The following TRMT10B variants were observed in gnomAD, a reference collection of about 807,000 sequenced individuals.
TRMT10B encodes the protein tRNA methyltransferase 10 homolog B.
In TRMT10B, 33 loss-of-function variants were observed where a neutral mutation model predicts 43.8. The observed-to-expected ratio is 0.75, with a 90% CI of 0.57 to 1.01. The LOEUF is 1.01. TRMT10B is among the 50% of genes least tolerant of loss of function. The pLI is 0.00. For synonymous variants in TRMT10B, 137 were observed against 130.6 expected (o/e 1.05, Z -0.34); for missense variants, 362 against 369.8 (o/e 0.98, Z 0.17).
chr9:37,755,193 C>T lies in TRMT10B; in HGVS notation c.-30+1341C>T, dbSNP rs554088959. Reference sequence around the variant, plus strand: ...AAGCTGAGGCAGGAGAATGCGTGAACCTGGGAGGCAAAGCTTGCAGTGAGT... The same window carrying T: ...AAGCTGAGGCAGGAGAATGCGTGAATCTGGGAGGCAAAGCTTGCAGTGAGT... On this transcript the variant is annotated intron_variant, in intron 1 of 8. Transcript: ENST00000297994. 4.0e-4 allele frequency among the ~76,000 whole-genome samples: 61 copies of T among 151,512 alleles called. 1 individual carries two copies. Among genetic ancestry groups the T allele is most frequent in the South Asian group, 1.5e-3 (7 of 4,754 alleles).
intron 3 of TRMT10B, among the ~76,000 whole-genome samples, chr9:37,763,402 G>A (rs1406689340): frequency 1.3e-5 from 2 of 152,132 alleles, no homozygotes; most frequent in Non-Finnish European, 2.9e-5. Context: ...TTATGCCCAA[G>A]ATAATGTAGC....
At chr9:37,770,090 T>C in intron 6 of TRMT10B, 71 bp downstream of exon 6, 2 of 1,383,868 alleles carry the variant, frequency 1.4e-6, no homozygotes, top group African/African-American at 1.4e-5. Flanking sequence ...TGGCAGAATT[T>C]ATTAAAGCCC....
chr9:37,768,091 G>A lies in TRMT10B; in HGVS notation c.436G>A (p.Ala146Thr). Reference sequence around the variant, plus strand: ...TTCTTTGAAGGAATTAAGTAGACTGGCTGGACAGATTCGAAGGTTGTATGG... The same window carrying A: ...TTCTTTGAAGGAATTAAGTAGACTGACTGGACAGATTCGAAGGTTGTATGG... Reference protein sequence around the residue: ...YMSKKELSRLAGQIRRLYGSN... With the variant: ...YMSKKELSRLTGQIRRLYGSN... The change falls in exon 5 of 9, where the codon GCT becomes ACT. Residue 146 changes from alanine (A) to threonine (T), a missense_variant. Coordinates refer to ENST00000297994, the MANE Select transcript of TRMT10B (RefSeq NM_144964.4). 1 of 1,614,034 alleles carries A rather than the reference G, an allele frequency of 6.2e-7. No individual in the cohort carries two copies. The highest frequency in any genetic ancestry group is 1.1e-5 in the South Asian group (1 of 91,062).
At position 37,769,941 on chromosome 9, in the gene TRMT10B, T is replaced by A; in HGVS notation, c.574T>A (p.Leu192Ile). ...ACATCAGACTGTTTGCATTTTCCAGTTAGACATAACAGAAGAAGACTGCTT... is the reference window on the plus strand; with the variant it reads ...ACATCAGACTGTTTGCATTTTCCAGATAGACATAACAGAAGAAGACTGCTT... ...RMNDGFSSYL[L>I]DITEEDCFSL... is the part of the protein sequence containing the mutation. Residue 192 changes from leucine to isoleucine, a missense_variant and splice_region_variant, in exon 6 of 9, where the codon TTA becomes ATA. Physicochemically the swap from Leu to Ile is conservative, Grantham distance 5 (BLOSUM62 2). Coordinates refer to ENST00000297994, the MANE Select transcript of TRMT10B (RefSeq NM_144964.4). 1 of 1,613,856 alleles carries A rather than the reference T, an allele frequency of 6.2e-7. No homozygotes were observed. Among genetic ancestry groups the A allele is most frequent in the Non-Finnish European group, 8.5e-7 (1 of 1,179,770 alleles).
upstream of TRMT10B, among the ~76,000 whole-genome samples, chr9:37,753,174 G>A (rs1159462395): frequency 1.3e-5 from 2 of 152,096 alleles, no homozygotes; most frequent in Non-Finnish European, 2.9e-5. Flanking sequence ...GAACCCGCCA[G>A]AAGGAAGAAA....
chr9:37,760,263 A>G (rs60992724), intron 1 of TRMT10B, among the ~76,000 whole-genome samples: 40 of 152,368 alleles, frequency 2.6e-4, no homozygotes, highest in African/African-American at 9.4e-4. Context: ...CAGAGGTTGC[A>G]GTGAGCTGAG....
upstream of TRMT10B, among the ~76,000 whole-genome samples, chr9:37,753,531 C>T (rs762240445): frequency 2.6e-5 from 4 of 152,144 alleles, no homozygotes; most frequent in Non-Finnish European, 5.9e-5. Flanking sequence ...TCGCAATGTC[C>T]AGCCCTTGAC....
At chr9:37,777,579 T>G in intron 8 of TRMT10B, 22 bp from the exon 9 acceptor site, 1 of 1,581,588 alleles carries the variant, frequency 6.3e-7, no homozygotes, top group Non-Finnish European at 8.7e-7. Flanking sequence ...GGTCACTGTG[T>G]TTTCTGTTTA....
intron 7 of TRMT10B, 53 bp downstream of exon 7, chr9:37,770,792 T>C: frequency 1.9e-6 from 3 of 1,577,420 alleles, no homozygotes; most frequent in Non-Finnish European, 1.7e-6. Flanking sequence ...TGCTTACTTT[T>C]AGAGGCATGT....
At chr9:37,763,536 T>G in intron 3 of TRMT10B, 93 bp from the exon 4 acceptor site, 1 of 1,106,612 alleles carries the variant, frequency 9.0e-7, no homozygotes, top group Non-Finnish European at 1.3e-6. Context: ...AGTTTCTCTT[T>G]ATATGCAAAA....
chr9:37,765,204 G>A (rs542548490), intron 4 of TRMT10B, among the ~76,000 whole-genome samples: 12 of 152,232 alleles, frequency 7.9e-5, no homozygotes, highest in East Asian at 3.9e-4. Context: ...CCATTAACTC[G>A]TCATTTAGCA....
At position 37,777,896 on chromosome 9, in the gene TRMT10B, T is replaced by G. The variant is rs1828357125; in HGVS notation, c.*189T>G. 1 of 452,860 alleles carries G rather than the reference T, an allele frequency of 2.2e-6. No homozygotes were observed. Among genetic ancestry groups the G allele is most frequent in the Admixed American group, 3.6e-5 (1 of 27,856 alleles). The allele number at this position is 452,860 out of a possible 1,614,324, so 28.1% of individuals were successfully genotyped here. On this transcript the variant is annotated 3_prime_UTR_variant, in exon 9 of 9. Coordinates refer to ENST00000297994, the MANE Select transcript of TRMT10B (RefSeq NM_144964.4). ...GGCGCATACCTGTAGTCCCAGCTAC[T>G]TGGGAGGCTGAGGCAGGAGAATCAC...
chr9:37,777,640 G>T lies in TRMT10B; in HGVS notation c.884G>T (p.Trp295Leu), dbSNP rs1475608913. The T allele has an allele frequency of 6.2e-7, 1 of 1,613,914 alleles. No homozygotes were observed. ...ILSTYLETHN[W>L]PEALKKGVSS... ...TCCACTTACTTAGAGACTCACAACT[G>T]GCCTGAAGCATTGAAGAAAGGAGTT... is the stretch of plus-strand genomic sequence containing the variant. Residue 295 changes from tryptophan to leucine, a missense_variant, in exon 9 of 9, where the codon TGG (tryptophan) becomes TTG (leucine). Trp to Leu is a moderately conservative substitution (Grantham distance 61). Transcript: ENST00000297994.
intron 4 of TRMT10B, chr9:37,767,534 A>AAAAAAAAC (rs1347360035): frequency 6.7e-6 from 1 of 148,634 alleles, no homozygotes. Flanking sequence ...AAAAAAAAAA[A>AAAAAAAAC]ATCCATATTG....
chr9:37,775,656 CCA>C (rs1310104337), intron 7 of TRMT10B, among the ~76,000 whole-genome samples: 3 of 152,130 alleles, frequency 2.0e-5, no homozygotes, highest in African/African-American at 7.2e-5. Flanking sequence ...ACTTCAGCCT[CCA>C]GAGTAGCTGG....
At position 37,762,102 on chromosome 9, in the gene TRMT10B, T is replaced by A. The variant is rs73447234; in HGVS notation, c.171T>A (p.Ser57Arg). The A allele has an allele frequency of 6.2e-7, 1 of 1,613,586 alleles. No individual in the cohort carries two copies. Among genetic ancestry groups the A allele is most frequent in the Non-Finnish European group, 8.5e-7 (1 of 1,179,756 alleles). The change falls in exon 2 of 9, where the codon AGT becomes AGA. Residue 57 changes from serine to arginine, a missense_variant. Ser to Arg is a moderately radical substitution (Grantham distance 110, BLOSUM62 -1). Coordinates refer to ENST00000297994, the MANE Select transcript of TRMT10B (RefSeq NM_144964.4). Reference protein sequence around the residue: ...CQEGEILATGSTAWCSKNVQR... With the variant: ...CQEGEILATGRTAWCSKNVQR... ...AGGGAGAGATCCTGGCCACAGGCAGTACGGCATGGTGCTCGGTGAGTGCGT... is the reference window on the plus strand; with the variant it reads ...AGGGAGAGATCCTGGCCACAGGCAGAACGGCATGGTGCTCGGTGAGTGCGT...
At chr9:37,763,573 T>C in intron 3 of TRMT10B, 56 bp from the exon 4 acceptor site, 6 of 1,506,126 alleles carry the variant, frequency 4.0e-6, no homozygotes, top group Non-Finnish European at 5.5e-6. Context: ...ATTTGTTTCT[T>C]ATATAATATT....
At chr9:37,753,454 G>C (rs1395332551), upstream of TRMT10B, among the ~76,000 whole-genome samples, 1 of 152,130 alleles carries the variant, frequency 6.6e-6, no homozygotes. Flanking sequence ...GGTTTCCTTC[G>C]GCAGAGAGGG....
chr9:37,777,546 A>C, intron 8 of TRMT10B, 55 bp from the exon 9 acceptor site: 1 of 1,370,546 alleles, frequency 7.3e-7, no homozygotes, highest in South Asian at 1.2e-5. Context: ...CTTTTCATTT[A>C]CTCGTTCTTT....
Sources: gnomAD v4.1 joint callset for allele counts (sites outside exome capture counted in the v4.1 genomes callset) on GRCh38, gnomAD v4.1.1 for gene constraint, MANE v1.5 for transcripts, NCBI Gene and HGNC (gene_info 2026-07-23, HGNC 2026-07-21) for gene names.